The following RYR2 variants were observed in gnomAD, a reference collection of about 807,000 sequenced individuals.
RYR2 encodes ryanodine receptor 2.
RYR2 carries 227 observed loss-of-function variants against 601.1 expected under a neutral mutation model. That is an observed-to-expected ratio of 0.38 (90% confidence interval 0.34 to 0.42). RYR2 has a LOEUF of 0.42. Ranked by LOEUF, RYR2 falls within the 10% of genes least tolerant of loss-of-function variation. RYR2 has a pLI of 1.00. For missense variants in RYR2, 4,646 were observed against 6,156.5 expected (o/e 0.75, Z 8.21); for synonymous variants, 2,223 against 2,175.1 (o/e 1.02, Z -0.61).
intron 58 of RYR2, among the ~76,000 whole-genome samples, chr1:237,673,463 A>G (rs1199540467): frequency 6.6e-6 from 1 of 152,190 alleles, no homozygotes; most frequent in Non-Finnish European, 1.5e-5. Flanking sequence ...AGTAAGTATT[A>G]TCAGGATAAG....
intron 11 of RYR2, among the ~76,000 whole-genome samples, chr1:237,418,415 G>A (rs1269501516): frequency 1.3e-5 from 2 of 152,090 alleles, no homozygotes; most frequent in Non-Finnish European, 2.9e-5. Flanking sequence ...TAGTTTAGAG[G>A]CCTTCAGTCG....
At position 237,065,284 on chromosome 1, in the gene RYR2, TTTTTTTTTTTTTC is replaced by T. The variant is rs951498334; in HGVS notation, c.48+22716_48+22728del. ...GTGTGCTATCCTTTTTTTTTTTTTT[TTTTTTTTTTTTTC>T]GAGAGGGAGTCTTGCATTGTCGCCC... is the stretch of plus-strand genomic sequence containing the variant. On this transcript the variant is annotated intron_variant, in intron 1 of 104. Coordinates refer to ENST00000366574, the MANE Select transcript of RYR2 (RefSeq NM_001035.3). Among the ~76,000 whole-genome samples, 16 of 50,990 alleles carry T rather than the reference TTTTTTTTTTTTTC, an allele frequency of 3.1e-4. 1 individual carries two copies. Among genetic ancestry groups the T allele is most frequent in the African/African-American group, 6.1e-4 (10 of 16,286 alleles). The allele number at this position is 50,990 out of a possible 152,430, so 33.5% of individuals were successfully genotyped here. A position where few individuals can be genotyped will look rare whatever the true frequency, so the allele number is the denominator to read the frequency against.
intron 5 of RYR2, among the ~76,000 whole-genome samples, chr1:237,368,366 G>A (rs1445668675): frequency 6.6e-6 from 1 of 152,088 alleles, no homozygotes; most frequent in African/African-American, 2.4e-5. Flanking sequence ...TATAAGGCAG[G>A]GAAGACTAGA....
rs1668099864 is a variant in RYR2, at chr1:237,101,462, A to AT, written c.48+58894dup. Among the ~76,000 whole-genome samples, 3 of 152,040 alleles carry AT rather than the reference A, an allele frequency of 2.0e-5. No homozygotes were observed. In the South Asian group the frequency reaches 6.2e-4, roughly 32 times the overall value. On this transcript the variant is annotated intron_variant, in intron 1 of 104. Coordinates refer to ENST00000366574, the MANE Select transcript of RYR2 (RefSeq NM_001035.3). ...TGTATTTATTTCTATTTTTCATTCT[A>AT]TAAGTTAGTCAATTAAATAATATTT...
At chr1:237,256,405 T>C (rs760117028) in intron 1 of RYR2, among the ~76,000 whole-genome samples, 9 of 152,194 alleles carry the variant, frequency 5.9e-5, no homozygotes, top group Non-Finnish European at 1.0e-4. Flanking sequence ...AACAGACTAA[T>C]ACACCTGTGT....
intron 1 of RYR2, among the ~76,000 whole-genome samples, chr1:237,091,163 G>C (rs1666906418): frequency 6.6e-6 from 1 of 152,102 alleles, no homozygotes; most frequent in South Asian, 2.1e-4. Flanking sequence ...ATAGAAAAAA[G>C]CCTGGGATCA....
intron 29 of RYR2, 78 bp downstream of exon 29, chr1:237,569,397 G>T (rs989354146): frequency 1.4e-6 from 2 of 1,440,288 alleles, no homozygotes; most frequent in Non-Finnish European, 9.5e-7. Context: ...CTAACCGGGC[G>T]TTTCTGTTTC....
chr1:237,424,881 G>T (rs1049561997), intron 12 of RYR2, among the ~76,000 whole-genome samples: 8 of 152,056 alleles, frequency 5.3e-5, no homozygotes, highest in African/African-American at 1.9e-4. Flanking sequence ...TGTCACTGGA[G>T]GCCACTGACC....
At chr1:237,118,026 G>A (rs547398755) in intron 1 of RYR2, among the ~76,000 whole-genome samples, 5 of 152,276 alleles carry the variant, frequency 3.3e-5, no homozygotes, top group African/African-American at 7.2e-5. Flanking sequence ...GATTACAGGC[G>A]TGAGCCACTG....
chr1:237,556,210 A>T (rs1177634109), intron 27 of RYR2, among the ~76,000 whole-genome samples: 3 of 151,752 alleles, frequency 2.0e-5, no homozygotes, highest in African/African-American at 7.2e-5. Flanking sequence ...AAAGGAGCTT[A>T]TATTTATAAA....
At chr1:237,630,003 T>C (rs892393820) in intron 41 of RYR2, among the ~76,000 whole-genome samples, 13 of 152,132 alleles carry the variant, frequency 8.5e-5, no homozygotes, top group Middle Eastern at 3.2e-3. Context: ...AGTACTAATA[T>C]TTAAATCTAA....
At chr1:237,643,747 G>A (rs1472083310) in intron 48 of RYR2, among the ~76,000 whole-genome samples, 1 of 151,782 alleles carries the variant, frequency 6.6e-6, no homozygotes, top group Non-Finnish European at 1.5e-5. Context: ...CAAGTAGCTG[G>A]GACTACAGGC....
At chr1:237,141,168 A>G (rs912520087) in intron 1 of RYR2, among the ~76,000 whole-genome samples, 4 of 152,336 alleles carry the variant, frequency 2.6e-5, no homozygotes. Context: ...GTCTGGCTGT[A>G]GCTGCTAGAA....
chr1:237,272,990 GA>G (rs1237759681), intron 2 of RYR2, among the ~76,000 whole-genome samples: 1 of 152,162 alleles, frequency 6.6e-6, no homozygotes, highest in African/African-American at 2.4e-5. Flanking sequence ...TGATTTTATG[GA>G]AGACGATTTT....
At chr1:237,599,319 G>T (rs1035385055) in intron 34 of RYR2, among the ~76,000 whole-genome samples, 2 of 152,128 alleles carry the variant, frequency 1.3e-5, no homozygotes, top group Non-Finnish European at 2.9e-5. Context: ...AATTGGAAAA[G>T]AAGTCATCAA....
At chr1:237,655,419 A>T (rs914030209) in intron 52 of RYR2, among the ~76,000 whole-genome samples, 3 of 152,140 alleles carry the variant, frequency 2.0e-5, no homozygotes, top group African/African-American at 7.2e-5. Context: ...ACTCTCTAGA[A>T]TGTTATGCTT....
chr1:237,162,106 T>G (rs745333250), intron 1 of RYR2, among the ~76,000 whole-genome samples: 2 of 152,192 alleles, frequency 1.3e-5, no homozygotes, highest in East Asian at 3.8e-4. Context: ...CAGGGCATCA[T>G]CAGAGTGAGT....
chr1:237,353,948 T>C (rs1699080045), intron 3 of RYR2, among the ~76,000 whole-genome samples: 1 of 152,234 alleles, frequency 6.6e-6, no homozygotes, highest in African/African-American at 2.4e-5. Context: ...TTAGCTCCAT[T>C]TGAATCATTC....
chr1:237,197,526 T>TA (rs1680703203), intron 1 of RYR2, among the ~76,000 whole-genome samples: 2 of 152,222 alleles, frequency 1.3e-5, no homozygotes, highest in Admixed American at 1.3e-4. Context: ...TAACAGTTTT[T>TA]ATCACAATGA....
Sources: allele counts gnomAD v4.1 joint callset (sites outside exome capture counted in the v4.1 genomes callset), GRCh38; gene constraint gnomAD v4.1.1; transcripts MANE v1.5; gene names NCBI Gene and HGNC (gene_info 2026-07-23, HGNC 2026-07-21).